Variants in DLG2 observed in about 807,000 individuals in gnomAD.
The protein encoded by DLG2 is discs large MAGUK scaffold protein 2.
Under a neutral mutation model 132.5 loss-of-function variants are expected in DLG2, and 45 were observed. The ratio of observed to expected loss-of-function variants is 0.34; its 90% CI spans 0.27 to 0.44. The LOEUF (loss-of-function observed/expected upper bound fraction) is 0.44. DLG2 is among the 20% of genes least tolerant of loss of function. The pLI is 1.00. For missense variants in DLG2, 1,045 were observed against 1,196.9 expected (o/e 0.87, Z 1.87); for synonymous variants, 424 against 419.6 (o/e 1.01, Z -0.13).
At chr11:84,670,821 G>T (rs2099705043) in intron 6 of DLG2, among the ~76,000 whole-genome samples, 1 of 150,674 alleles carries the variant, frequency 6.6e-6, no homozygotes, top group African/African-American at 2.5e-5. Flanking sequence ...TGGACTCATA[G>T]TCCAAAGCAC....
intron 10 of DLG2, among the ~76,000 whole-genome samples, chr11:84,088,498 C>A (rs932472754): frequency 6.6e-6 from 1 of 152,130 alleles, no homozygotes; most frequent in Non-Finnish European, 1.5e-5. Flanking sequence ...AGGAAAACTC[C>A]AGCTGCGAAA....
intron 11 of DLG2, among the ~76,000 whole-genome samples, chr11:84,037,944 T>G (rs372386566): frequency 1.1e-4 from 17 of 152,246 alleles, no homozygotes; most frequent in African/African-American, 4.1e-4. Flanking sequence ...ACCTTTCCAT[T>G]TTTAAACTTT....
intron 4 of DLG2, among the ~76,000 whole-genome samples, chr11:85,182,939 C>G (rs1161089801): frequency 6.6e-6 from 1 of 150,654 alleles, no homozygotes; most frequent in East Asian, 1.9e-4. Context: ...CTGACAGAGT[C>G]GATGCATCTC....
chr11:85,394,065 T>A lies in DLG2; in HGVS notation c.41-108700A>T, dbSNP rs114822591. On this transcript the variant is annotated intron_variant, in intron 3 of 27. Transcript: ENST00000376104. The stretch of plus-strand genomic sequence containing the variant: ...CCCCAAAAAAACCTATTGAAATATT[T>A]TCAAGTGGAAAATCTAGAAAAAAGA... 8.2e-3 allele frequency among the ~76,000 whole-genome samples: 1,242 copies of A among 152,236 alleles called. 15 individuals are homozygous for A. The highest frequency in any genetic ancestry group is 0.028 in the African/African-American group (1,169 of 41,552).
intron 4 of DLG2, among the ~76,000 whole-genome samples, chr11:85,249,345 T>C (rs2076286104): frequency 6.6e-6 from 1 of 152,008 alleles, no homozygotes; most frequent in South Asian, 2.1e-4. Context: ...TGTATGATCA[T>C]CATTTTAGCC....
intron 10 of DLG2, among the ~76,000 whole-genome samples, chr11:84,084,579 G>T (rs545740438): frequency 6.6e-6 from 1 of 152,144 alleles, no homozygotes; most frequent in Non-Finnish European, 1.5e-5. Context: ...ATTAAGTAGT[G>T]ACAAAGATTC....
intron 3 of DLG2, among the ~76,000 whole-genome samples, chr11:85,415,200 T>A (rs762744355): frequency 3.3e-5 from 5 of 152,216 alleles, no homozygotes; most frequent in Non-Finnish European, 7.3e-5. Flanking sequence ...TCATCCTTTT[T>A]ATGGCTGCAT....
intron 7 of DLG2, among the ~76,000 whole-genome samples, chr11:84,350,184 C>CCAAA: frequency 9.8e-6 from 1 of 102,214 alleles, no homozygotes; most frequent in African/African-American, 3.3e-5. Context: ...TCCCCCCCCC[C>CCAAA]AAAAAAAAAA....
chr11:85,068,586 A>G (rs887232620), intron 6 of DLG2, among the ~76,000 whole-genome samples: 1 of 152,080 alleles, frequency 6.6e-6, no homozygotes, highest in Non-Finnish European at 1.5e-5. Flanking sequence ...TAGGAATCCA[A>G]CTTACAAGGG....
At chr11:84,367,609 T>G (rs1384336813) in intron 7 of DLG2, among the ~76,000 whole-genome samples, 2 of 152,102 alleles carry the variant, frequency 1.3e-5, no homozygotes, top group Non-Finnish European at 2.9e-5. Context: ...ATTAATGGGT[T>G]AGTGAAGTAA....
At chr11:84,026,739 A>G (rs1353168476) in intron 11 of DLG2, among the ~76,000 whole-genome samples, 1 of 152,028 alleles carries the variant, frequency 6.6e-6, no homozygotes, top group African/African-American at 2.4e-5. Flanking sequence ...ATTTAACCAA[A>G]AATAATCCAT....
chr11:85,555,847 GTTTA>G (rs1381935223), intron 3 of DLG2, among the ~76,000 whole-genome samples: 6 of 151,700 alleles, frequency 4.0e-5, no homozygotes, highest in Non-Finnish European at 7.4e-5. Context: ...TGCCCTTTGG[GTTTA>G]TTTATTTCCC....
chr11:84,890,352 T>A (rs1434348677), intron 6 of DLG2, among the ~76,000 whole-genome samples: 1 of 152,154 alleles, frequency 6.6e-6, no homozygotes, highest in Non-Finnish European at 1.5e-5. Flanking sequence ...GATGATTAAT[T>A]GTACTGTGAA....
intron 6 of DLG2, among the ~76,000 whole-genome samples, chr11:84,999,060 A>G (rs532622574): frequency 5.3e-5 from 8 of 152,074 alleles, no homozygotes; most frequent in African/African-American, 1.9e-4. Context: ...TTAGATCAGA[A>G]TCTTGGATTC....
chr11:83,874,191 AAAAGAAAGAG>A (rs755922015), intron 16 of DLG2, among the ~76,000 whole-genome samples: 3 of 129,774 alleles, frequency 2.3e-5, no homozygotes, highest in Non-Finnish European at 3.4e-5. Flanking sequence ...AAAAAAGGAC[AAAAGAAAGAG>A]AAAGAAAGAC....
At chr11:83,839,664 T>C (rs1415331492) in intron 16 of DLG2, among the ~76,000 whole-genome samples, 1 of 152,226 alleles carries the variant, frequency 6.6e-6, no homozygotes, top group Non-Finnish European at 1.5e-5. Flanking sequence ...ATTTAAAGTA[T>C]AGTAGTATAC....
At chr11:84,714,643 C>CTT (rs777431158) in intron 6 of DLG2, among the ~76,000 whole-genome samples, 1 of 134,336 alleles carries the variant, frequency 7.4e-6, no homozygotes, top group Non-Finnish European at 1.6e-5. Flanking sequence ...CTCTCTCTCT[C>CTT]TCTTTCTCTC....
At position 84,433,282 on chromosome 11, in the gene DLG2, G is replaced by A. The variant is rs146938572; in HGVS notation, c.519+101288C>T. 7.9e-5 allele frequency among the ~76,000 whole-genome samples: 12 copies of A among 152,284 alleles called. No individual in the cohort carries two copies. In the East Asian group the frequency reaches 2.3e-3, roughly 29 times the overall value. On this transcript the variant is annotated intron_variant, in intron 7 of 27. Transcript: ENST00000376104. Reference sequence around the variant, plus strand: ...CTGACGGGGAAGTGAAGGTTCACAAGTTTTGGTATTTTAATACTCTTGTAT... The same window carrying A: ...CTGACGGGGAAGTGAAGGTTCACAAATTTTGGTATTTTAATACTCTTGTAT...
chr11:84,635,529 T>C (rs1336761707), intron 6 of DLG2, among the ~76,000 whole-genome samples: 1 of 152,174 alleles, frequency 6.6e-6, no homozygotes, highest in Non-Finnish European at 1.5e-5. Context: ...ACTATAAAAA[T>C]ACAAGTATAA....
Sources: allele counts gnomAD v4.1 joint callset (sites outside exome capture counted in the v4.1 genomes callset), GRCh38; gene constraint gnomAD v4.1.1; transcripts MANE v1.5; gene names NCBI Gene and HGNC (gene_info 2026-07-23, HGNC 2026-07-21).